Variants in TRAP1 observed in about 807,000 individuals in gnomAD.
TRAP1 encodes the protein TNF receptor associated protein 1, also known as heat shock protein 75 kDa, mitochondrial.
A neutral mutation model predicts 89.1 loss-of-function variants in TRAP1; 102 were observed. That is an observed-to-expected ratio of 1.15 (90% CI 0.98 to 1.35). TRAP1 has a LOEUF of 1.35. TRAP1 is among the 40% of genes most tolerant of loss of function. The pLI is 0.00. For missense variants in TRAP1, 1,256 were observed against 945.3 expected, an observed-to-expected ratio of 1.33 and a Z score of -4.31; for synonymous variants, 508 against 388.0, an observed-to-expected ratio of 1.31 and a Z score of -3.64.
intron 1 of TRAP1, among the ~76,000 whole-genome samples, chr16:3,703,666 T>G (rs1289663442): frequency 2.0e-5 from 3 of 152,010 alleles, no homozygotes; most frequent in Non-Finnish European, 4.4e-5. Flanking sequence ...ATCGTTTGCA[T>G]ATTGGACTAC....
In TRAP1 at chr16:3,658,811, A is replaced by G. The variant is rs771458203; in HGVS notation, c.1995T>C (p.Ala665=). 1 of 1,613,870 alleles carries G rather than the reference A, an allele frequency of 6.2e-7. No individual in the cohort carries two copies. The highest frequency in any genetic ancestry group is 8.5e-7 in the Non-Finnish European group (1 of 1,179,978). Residue 665 remains alanine (A), a synonymous_variant, in exon 17 of 18, where the codon GCT becomes GCC. Coordinates refer to ENST00000246957, the MANE Select transcript of TRAP1 (RefSeq NM_016292.3). The part of the protein sequence containing the change: ...NQLRASEPGL[A]QLLVDQIYEN... ...CACTCACCTGATCCACCAGCAGCTG[A>G]GCCAGGCCAGGCTCGCTTGCGCGCA... is the stretch of plus-strand genomic sequence containing the variant.
At chr16:3,704,773 G>A (rs997370841) in intron 1 of TRAP1, among the ~76,000 whole-genome samples, 31 of 152,246 alleles carry the variant, frequency 2.0e-4, no homozygotes, top group Admixed American at 5.2e-4. Flanking sequence ...CAGTGCTTTG[G>A]AAGGCCAAGT....
In TRAP1 at chr16:3,710,879, A is replaced by ATTTTTTTTT. The variant is rs1181110685; in HGVS notation, c.88+6533_88+6541dup. On this transcript the variant is annotated intron_variant, in intron 1 of 17. Transcript: ENST00000246957. ...TGTGTATATATATATATATATATAT[A>ATTTTTTTTT]TTTTTTTTTTTGAGACACTGTCACT... 1.7e-3 allele frequency among the ~76,000 whole-genome samples: 214 copies of ATTTTTTTTT among 125,790 alleles called. 2 individuals carry two copies. The highest frequency in any genetic ancestry group is 5.1e-3 in the African/African-American group (156 of 30,578). The allele number at this position is 125,790 out of a possible 152,430, so 82.5% of individuals were successfully genotyped here.
Position 3,676,051 on chromosome 16 carries a change from C to G in TRAP1, c.799G>C (p.Glu267Gln). ...TCCCGCTCACCTCGCACCCGGGCCT[C>G]GCTGGAAAACTCCTTGCAGTCGGAT... ...LKSDCKEFSS[E>Q]ARVRDVVTKY... Residue 267 changes from glutamate to glutamine, a missense_variant, in exon 7 of 18, where the codon GAG (glutamate) becomes CAG (glutamine). Transcript: ENST00000246957. 6.2e-7 allele frequency: 1 copy of G among 1,613,704 alleles called. No individual in the cohort carries two copies. Among genetic ancestry groups the G allele is most frequent in the Non-Finnish European group, 8.5e-7 (1 of 1,179,828 alleles).
intron 11 of TRAP1, among the ~76,000 whole-genome samples, chr16:3,668,892 T>G (rs992378566): frequency 2.6e-5 from 4 of 152,114 alleles, no homozygotes; most frequent in Non-Finnish European, 5.9e-5. Flanking sequence ...GGAAACACAT[T>G]CAGGATGGGG....
At chr16:3,704,012 CT>C (rs1434436283) in intron 1 of TRAP1, among the ~76,000 whole-genome samples, 1,144 of 11,596 alleles carry the variant, frequency 0.099, 14 homozygotes, top group African/African-American at 0.14. Flanking sequence ...GAGACCCCGT[CT>C]CAAAAAAAAA....
intron 1 of TRAP1, among the ~76,000 whole-genome samples, chr16:3,702,033 C>A (rs1055046752): frequency 2.0e-5 from 3 of 151,986 alleles, no homozygotes; most frequent in Non-Finnish European, 2.9e-5. Flanking sequence ...ACATGGTGAA[C>A]CCTGTCTCTA....
At chr16:3,674,209 C>T (rs2050955107) in intron 9 of TRAP1, 130 bp downstream of exon 9, 7 of 1,290,912 alleles carry the variant, frequency 5.4e-6, no homozygotes, top group Non-Finnish European at 7.4e-6. Flanking sequence ...GCGTGAGCCA[C>T]CACACCCAGC....
At chr16:3,662,792 C>T (rs1035419200) in intron 15 of TRAP1, 90 bp downstream of exon 15, 3 of 1,258,250 alleles carry the variant, frequency 2.4e-6, no homozygotes, top group Non-Finnish European at 3.5e-6. Flanking sequence ...TGGAAGGACA[C>T]CCAACGGGCC....
intron 6 of TRAP1, 73 bp from the exon 7 acceptor site, chr16:3,676,218 T>C: frequency 7.5e-7 from 1 of 1,337,894 alleles, no homozygotes; most frequent in Non-Finnish European, 1.0e-6. Flanking sequence ...ACTCCAGCGG[T>C]TCCCGAGGGT....
chr16:3,709,162 G>C (rs1439455821), intron 1 of TRAP1, among the ~76,000 whole-genome samples: 13 of 147,360 alleles, frequency 8.8e-5, no homozygotes, highest in Non-Finnish European at 1.3e-4. Flanking sequence ...CTAGCGCAGA[G>C]GTTACGGTGA....
rs554519596 is a variant in TRAP1, at chr16:3,707,779, G to A, written c.88+9642C>T. ...TGAGGCAGGAGACTTGCTTGCACTC[G>A]GGAAGCGAAGGCTGCAGTGAGCCAA... On this transcript the variant is annotated intron_variant, in intron 1 of 17. Coordinates refer to ENST00000246957, the MANE Select transcript of TRAP1 (RefSeq NM_016292.3). Among the ~76,000 whole-genome samples, 6 of 151,306 alleles carry A rather than the reference G, an allele frequency of 4.0e-5. No individual in the cohort carries two copies. The East Asian group carries it at 6.0e-4, about 15-fold the overall frequency.
chr16:3,663,039 C>T, intron 14 of TRAP1, 72 bp from the exon 15 acceptor site: 11 of 1,252,492 alleles, frequency 8.8e-6, no homozygotes, highest in Non-Finnish European at 1.2e-5. Flanking sequence ...GGCCACGCAG[C>T]ATGCTTCCAG....
At chr16:3,663,284 G>T in intron 14 of TRAP1, 140 bp downstream of exon 14, 10 of 1,102,768 alleles carry the variant, frequency 9.1e-6, no homozygotes, top group Non-Finnish European at 1.3e-5. Context: ...AGTCACCAGG[G>T]TGCTCCCACA....
intron 12 of TRAP1, chr16:3,664,727 G>A (rs1190370993): frequency 9.5e-6 from 4 of 422,654 alleles, no homozygotes; most frequent in East Asian, 4.9e-5. Context: ...ACCACGCCCT[G>A]GGAGGGGACC....
intron 1 of TRAP1, among the ~76,000 whole-genome samples, chr16:3,708,567 A>G (rs2051482644): frequency 2.0e-5 from 3 of 151,738 alleles, no homozygotes; most frequent in Non-Finnish European, 1.5e-5. Flanking sequence ...AACCTGGGAG[A>G]CGGAGGTTGC....
At position 3,717,522 on chromosome 16, in the gene TRAP1, A is replaced by C. The variant is rs922184950; in HGVS notation, c.-14T>G. 11 of 1,354,434 alleles carry C rather than the reference A, an allele frequency of 8.1e-6. No homozygotes were observed. The African/African-American group carries it at 1.7e-4, about 21-fold the overall frequency. The allele number at this position is 1,354,434 out of a possible 1,614,324, so 83.9% of individuals were successfully genotyped here. On this transcript the variant is annotated 5_prime_UTR_variant, in exon 1 of 18. Coordinates refer to ENST00000246957, the MANE Select transcript of TRAP1 (RefSeq NM_016292.3). The stretch of plus-strand genomic sequence containing the variant: ...CTCGCGCGCCATGTCGTACTCCCAG[A>C]GCGCCGCGCGCAGCCACGCGGGACC...
At chr16:3,665,692 C>T (rs183231182) in intron 12 of TRAP1, among the ~76,000 whole-genome samples, 3 of 152,312 alleles carry the variant, frequency 2.0e-5, no homozygotes, top group East Asian at 1.9e-4. Flanking sequence ...AGTGTGTGCA[C>T]GCCCTCTTCC....
In TRAP1 at chr16:3,717,519, C is replaced by T. The variant is rs1177553866; in HGVS notation, c.-11G>A. The T allele has an allele frequency of 2.2e-6, 3 of 1,356,280 alleles. No homozygotes were observed. The African/African-American group carries it at 4.6e-5, about 21-fold the overall frequency. 84.0% of individuals were successfully genotyped at this position (1,356,280 alleles called of 1,614,324 possible). A position where few individuals can be genotyped will look rare whatever the true frequency, so the allele number is the denominator to read the frequency against. On this transcript the variant is annotated 5_prime_UTR_variant, in exon 1 of 18. Transcript: ENST00000246957. ...CAGCTCGCGCGCCATGTCGTACTCC[C>T]AGAGCGCCGCGCGCAGCCACGCGGG...
Sources: allele counts gnomAD v4.1 joint callset (sites outside exome capture counted in the v4.1 genomes callset), GRCh38; gene constraint gnomAD v4.1.1; transcripts MANE v1.5; gene names NCBI Gene and HGNC (gene_info 2026-07-23, HGNC 2026-07-21).